Variants in CLASP2 observed in about 807,000 individuals in gnomAD.
CLASP2 encodes the protein CLIP-associating protein 2.
Under a neutral mutation model 194.4 loss-of-function variants are expected in CLASP2, and 47 were observed. The observed-to-expected ratio is 0.24, with a 90% CI of 0.19 to 0.31. The LOEUF is 0.31. Among genes scored for constraint, CLASP2 ranks in the 10% least tolerant of loss-of-function variants. CLASP2 has a pLI of 1.00. For synonymous variants in CLASP2, 619 were observed against 633.5 expected (o/e 0.98, Z 0.34); for missense variants, 1,445 against 1,823.6 (o/e 0.79, Z 3.78).
intron 20 of CLASP2, 183 bp from the exon 21 acceptor site, chr3:33,592,679 T>C (rs1560199321): frequency 3.1e-6 from 2 of 649,120 alleles, no homozygotes; most frequent in Non-Finnish European, 5.5e-6. Flanking sequence ...TGTTATACCA[T>C]AAGCTAATTT....
intron 29 of CLASP2, among the ~76,000 whole-genome samples, chr3:33,556,936 A>C (rs905212181): frequency 5.9e-5 from 9 of 152,042 alleles, no homozygotes; most frequent in Non-Finnish European, 1.3e-4. Context: ...GTCTCCTGCA[A>C]CTTATTCTCT....
chr3:33,557,374 C>T (rs1215411480), intron 29 of CLASP2, among the ~76,000 whole-genome samples: 2 of 150,790 alleles, frequency 1.3e-5, no homozygotes, highest in Middle Eastern at 3.3e-3. Context: ...CTTTCTCTTT[C>T]AATGGACAGG....
At chr3:33,692,793 C>CT (rs1420240604) in intron 2 of CLASP2, among the ~76,000 whole-genome samples, 1 of 152,142 alleles carries the variant, frequency 6.6e-6, no homozygotes, top group Non-Finnish European at 1.5e-5. Flanking sequence ...ATAGGCTCTC[C>CT]ATATGAATGT....
intron 6 of CLASP2, among the ~76,000 whole-genome samples, chr3:33,683,882 G>A (rs972561694): frequency 8.8e-5 from 13 of 147,086 alleles, no homozygotes; most frequent in Non-Finnish European, 1.6e-4. Flanking sequence ...AGAGGTTGCA[G>A]TGAGCCAAGA....
intron 1 of CLASP2, among the ~76,000 whole-genome samples, chr3:33,707,537 G>C (rs1222454036): frequency 6.6e-6 from 1 of 152,098 alleles, no homozygotes; most frequent in Non-Finnish European, 1.5e-5. Flanking sequence ...TGAATTAACA[G>C]ATCTAGACAC....
At chr3:33,525,048 T>C (rs940341625) in intron 34 of CLASP2, among the ~76,000 whole-genome samples, 1 of 152,146 alleles carries the variant, frequency 6.6e-6, no homozygotes, top group Non-Finnish European at 1.5e-5. Context: ...TTTCAACAGA[T>C]TTTAAAATAT....
intron 32 of CLASP2, among the ~76,000 whole-genome samples, chr3:33,539,861 T>C (rs1040684478): frequency 1.3e-5 from 2 of 152,098 alleles, no homozygotes; most frequent in African/African-American, 4.8e-5. Flanking sequence ...GACAAAGAGA[T>C]AAATGTATTT....
At chr3:33,560,381 T>A (rs978772133) in intron 28 of CLASP2, among the ~76,000 whole-genome samples, 2 of 152,058 alleles carry the variant, frequency 1.3e-5, no homozygotes, top group Non-Finnish European at 2.9e-5. Context: ...TAGCTGAGAT[T>A]ACAGGTGCCT....
intron 18 of CLASP2, among the ~76,000 whole-genome samples, chr3:33,597,512 T>A (rs1215826143): frequency 6.6e-6 from 1 of 152,114 alleles, no homozygotes; most frequent in African/African-American, 2.4e-5. Context: ...TCTGCTACAG[T>A]TTGCCTAAGC....
At chr3:33,714,821 T>C (rs963431663) in intron 1 of CLASP2, among the ~76,000 whole-genome samples, 1 of 152,200 alleles carries the variant, frequency 6.6e-6, no homozygotes, top group Non-Finnish European at 1.5e-5. Context: ...GTGAGCCTTC[T>C]GTCTCAGCCT....
chr3:33,596,178 G>A (rs1028504148), intron 19 of CLASP2, among the ~76,000 whole-genome samples: 10 of 151,842 alleles, frequency 6.6e-5, no homozygotes, highest in African/African-American at 2.4e-4. Context: ...CAGATAAACT[G>A]TAATCAATTG....
intron 28 of CLASP2, 127 bp from the exon 29 acceptor site, chr3:33,559,512 T>C (rs1364755224): frequency 4.7e-6 from 3 of 637,450 alleles, no homozygotes; most frequent in South Asian, 1.9e-5. Flanking sequence ...AGTATCTGCA[T>C]GTGGTATAAA....
In CLASP2 at chr3:33,687,060, C is replaced by A; in HGVS notation, c.546G>T (p.Gln182His). 1 of 1,557,650 alleles carries A rather than the reference C, an allele frequency of 6.4e-7. No individual in the cohort carries two copies. The highest frequency in any genetic ancestry group is 1.2e-5 in the South Asian group (1 of 81,650). ...TGCTTGAATGTAAATAAAATTTTAC[C>A]TGACTGTTGGAGTCTCCAAACAGGA... is the stretch of plus-strand genomic sequence containing the variant. Reference protein sequence around the residue: ...LCILFGDSNSQVRDAAILAIV... With the variant: ...LCILFGDSNSHVRDAAILAIV... Residue 182 changes from glutamine to histidine, a missense_variant and splice_region_variant, in exon 5 of 39, where the codon CAG becomes CAT. By Grantham distance (24) the Gln-to-His change is conservative. Coordinates refer to ENST00000682230, the MANE Select transcript of CLASP2 (RefSeq NM_001365631.1).
intron 27 of CLASP2, among the ~76,000 whole-genome samples, chr3:33,565,037 C>A (rs1046888267): frequency 7.9e-5 from 12 of 152,172 alleles, no homozygotes; most frequent in Admixed American, 2.0e-4. Flanking sequence ...ACCTCTGCCA[C>A]CCCTGAGATA....
intron 1 of CLASP2, among the ~76,000 whole-genome samples, chr3:33,711,642 A>G (rs757681551): frequency 1.3e-5 from 2 of 151,530 alleles, no homozygotes; most frequent in Non-Finnish European, 2.9e-5. Flanking sequence ...AAGGACTAAT[A>G]TCCAGAATCT....
intron 1 of CLASP2, among the ~76,000 whole-genome samples, chr3:33,707,443 G>A (rs2092741197): frequency 6.6e-6 from 1 of 151,928 alleles, no homozygotes; most frequent in Non-Finnish European, 1.5e-5. Flanking sequence ...ACTGTAAATG[G>A]GGAAAGTTTC....
At chr3:33,519,854 T>C (rs1575778890) in intron 34 of CLASP2, among the ~76,000 whole-genome samples, 2 of 152,174 alleles carry the variant, frequency 1.3e-5, no homozygotes, top group East Asian at 1.9e-4. Context: ...AAAAATACTA[T>C]ACCCAATTTA....
chr3:33,695,396 T>C lies in CLASP2; in HGVS notation c.274+1459A>G, dbSNP rs1353909582. Among the ~76,000 whole-genome samples the C allele has an allele frequency of 4.8e-5, 7 of 145,036 alleles. No homozygotes were observed. In the East Asian group the frequency reaches 1.4e-3, roughly 29 times the overall value. On this transcript the variant is annotated intron_variant, in intron 2 of 38. Transcript: ENST00000682230. The stretch of plus-strand genomic sequence containing the variant: ...GAGTTGTAAGGGGAGACTAACAGCT[T>C]AAAAAAAAAAATCTTTTCAGAAAAT...
chr3:33,684,885 C>G (rs2090409815), intron 5 of CLASP2, among the ~76,000 whole-genome samples: 1 of 151,860 alleles, frequency 6.6e-6, no homozygotes, highest in Non-Finnish European at 1.5e-5. Context: ...GCCTGTAATC[C>G]CAGCTACTCA....
Sources: allele counts gnomAD v4.1 joint callset (sites outside exome capture counted in the v4.1 genomes callset), GRCh38; gene constraint gnomAD v4.1.1; transcripts MANE v1.5; gene names NCBI Gene and HGNC (gene_info 2026-07-23, HGNC 2026-07-21).